Variants in GEMIN7 observed in about 807,000 individuals in gnomAD.
GEMIN7 encodes gem nuclear organelle associated protein 7.
GEMIN7 carries 7 observed loss-of-function variants against 7.8 expected under a neutral mutation model. That is an observed-to-expected ratio of 0.90 (90% CI 0.51 to 1.69). GEMIN7 has a LOEUF of 1.69. GEMIN7 is among the 40% of genes most tolerant of loss of function. GEMIN7 has a pLI of 0.00. For missense variants in GEMIN7, 159 were observed against 176.2 expected, an observed-to-expected ratio of 0.90 and a Z score of 0.55; for synonymous variants, 68 against 72.4, an observed-to-expected ratio of 0.94 and a Z score of 0.31.
intron 2 of GEMIN7, among the ~76,000 whole-genome samples, chr19:45,087,800 C>T (rs945186940): frequency 6.6e-6 from 1 of 151,916 alleles, no homozygotes; most frequent in African/African-American, 2.4e-5. Context: ...AAGGTGGAAG[C>T]CAGGGACCCA....
At chr19:45,085,962 G>C (rs1308940987) in intron 2 of GEMIN7, among the ~76,000 whole-genome samples, 1 of 140,832 alleles carries the variant, frequency 7.1e-6, no homozygotes, top group Non-Finnish European at 1.5e-5. Context: ...CCGCCTCCCG[G>C]GTTCACGCCA....
At position 45,081,584 on chromosome 19, in the gene GEMIN7, C is replaced by T. The variant is rs187540492; in HGVS notation, c.-9+1555C>T. On this transcript the variant is annotated intron_variant, in intron 2 of 2. Transcript: ENST00000270257. Reference sequence around the variant, plus strand: ...GCTCTTTCCCTCAAATTATATATCCCTTATCCTGTCCATCACCGAGGGCTC... The same window carrying T: ...GCTCTTTCCCTCAAATTATATATCCTTTATCCTGTCCATCACCGAGGGCTC... Among the ~76,000 whole-genome samples the T allele has an allele frequency of 3.7e-3, 555 of 148,344 alleles. 6 individuals are homozygous for T. Among genetic ancestry groups the T allele is most frequent in the African/African-American group, 0.013 (511 of 40,668 alleles).
chr19:45,087,782 G>C (rs1309109250), intron 2 of GEMIN7, among the ~76,000 whole-genome samples: 1 of 151,984 alleles, frequency 6.6e-6, no homozygotes, highest in South Asian at 2.1e-4. Flanking sequence ...TGCAGACGGC[G>C]GGGGGTGAAG....
intron 2 of GEMIN7, among the ~76,000 whole-genome samples, chr19:45,080,959 TG>T: frequency 6.6e-6 from 1 of 151,998 alleles, no homozygotes; most frequent in Non-Finnish European, 1.5e-5. Flanking sequence ...GGAAAGACCC[TG>T]GGGGCTGGTG....
In GEMIN7 at chr19:45,090,788, G is replaced by A. The variant is rs1403643520; in HGVS notation, c.*278G>A. Reference sequence around the variant, plus strand: ...CTGCTGCCATTTCCTGAAGACCGGGGCATCGGGGTGGGGTGATAAAGGATA... The same window carrying A: ...CTGCTGCCATTTCCTGAAGACCGGGACATCGGGGTGGGGTGATAAAGGATA... On this transcript the variant is annotated 3_prime_UTR_variant, in exon 3 of 3. Transcript: ENST00000270257. 4.9e-6 allele frequency: 2 copies of A among 410,132 alleles called. No individual in the cohort carries two copies. The highest frequency in any genetic ancestry group is 9.2e-6 in the Non-Finnish European group (2 of 216,356). The allele number at this position is 410,132 out of a possible 1,614,324, so 25.4% of individuals were successfully genotyped here. A position where few individuals can be genotyped will look rare whatever the true frequency, so the allele number is the denominator to read the frequency against.
At chr19:45,076,799 AT>A (rs1967365173), upstream of GEMIN7, 1 of 164,184 alleles carries the variant, frequency 6.1e-6, no homozygotes, top group African/African-American at 2.4e-5. The surrounding 1 kb of genome is among the most constrained non-coding windows in gnomAD (Gnocchi z 4.9). Flanking sequence ...GGGCTATTTC[AT>A]TAAATGCATT....
At chr19:45,075,895 T>G (rs1318836318), upstream of GEMIN7, 4 of 1,588,172 alleles carry the variant, frequency 2.5e-6, no homozygotes, top group African/African-American at 1.4e-5. Context: ...GAGCGTGGGG[T>G]GGGGCCAGGA....
chr19:45,076,471 G>T, upstream of GEMIN7: 1 of 936,358 alleles, frequency 1.1e-6, no homozygotes, highest in Non-Finnish European at 1.4e-6. This position sits in a 1 kb window ranked among gnomAD's most constrained non-coding sequence, Gnocchi z 4.9. Flanking sequence ...GCGCTCAGGT[G>T]AGTGACTGCG....
At chr19:45,080,993 C>G (rs796901849) in intron 2 of GEMIN7, among the ~76,000 whole-genome samples, 11 of 152,028 alleles carry the variant, frequency 7.2e-5, no homozygotes, top group African/African-American at 2.4e-4. Context: ...ATTGGAGTGA[C>G]AGTGGTCAGA....
rs761235819 is a variant in GEMIN7, at chr19:45,090,088, C to G, written c.-8-19C>G. On this transcript the variant is annotated intron_variant, in intron 2 of 2. Transcript: ENST00000270257. Reference sequence around the variant, plus strand: ...GCTTACCATGTAATGACTTCCTGCTCTTTTTCTTCACTCAACAGCCAAGAC... The same window carrying G: ...GCTTACCATGTAATGACTTCCTGCTGTTTTTCTTCACTCAACAGCCAAGAC... The G allele has an allele frequency of 6.3e-7, 1 of 1,588,646 alleles. No homozygotes were observed. Among genetic ancestry groups the G allele is most frequent in the East Asian group, 2.3e-5 (1 of 44,394 alleles).
rs199542404 is a variant in GEMIN7 at position 45,080,758 on chromosome 19, G to GTTTTT, written c.-9+731_-9+735dup. Reference sequence around the variant, plus strand: ...GCATCAATATGACCAAATCTCCCTTGTTTTTTGTTTTTTTTTTTTTTTTTC... The same window carrying GTTTTT: ...GCATCAATATGACCAAATCTCCCTTGTTTTTTTTTTTGTTTTTTTTTTTTTTTTTC... On this transcript the variant is annotated intron_variant, in intron 2 of 2. Coordinates refer to ENST00000270257, the MANE Select transcript of GEMIN7 (RefSeq NM_024707.3). Among the ~76,000 whole-genome samples, 16 of 121,296 alleles carry GTTTTT rather than the reference G, an allele frequency of 1.3e-4. 1 individual carries two copies. Among genetic ancestry groups the GTTTTT allele is most frequent in the African/African-American group, 2.3e-4 (7 of 30,318 alleles). The allele number at this position is 121,296 out of a possible 152,430, so 79.6% of individuals were successfully genotyped here. A position where few individuals can be genotyped will look rare whatever the true frequency, so the allele number is the denominator to read the frequency against.
At chr19:45,087,969 A>G (rs12985045) in intron 2 of GEMIN7, among the ~76,000 whole-genome samples, 76,865 of 137,854 alleles carry the variant, frequency 0.56, 22,502 homozygotes, top group African/African-American at 0.68. Flanking sequence ...TTTTTGAGAC[A>G]GAGTCTTGCT....
chr19:45,081,663 G>A (rs771782157), intron 2 of GEMIN7, among the ~76,000 whole-genome samples: 1 of 151,674 alleles, frequency 6.6e-6, no homozygotes, highest in Non-Finnish European at 1.5e-5. Context: ...GTCTCACTCT[G>A]TCATCCATGC....
chr19:45,090,657 ACCT>A lies in GEMIN7; in HGVS notation c.*151_*153del. 1.5e-6 allele frequency: 1 copy of A among 687,284 alleles called. No homozygotes were observed. Among genetic ancestry groups the A allele is most frequent in the Non-Finnish European group, 2.5e-6 (1 of 401,568 alleles). 42.6% of individuals were successfully genotyped at this position (687,284 alleles called of 1,614,324 possible). On this transcript the variant is annotated 3_prime_UTR_variant, in exon 3 of 3. Coordinates refer to ENST00000270257, the MANE Select transcript of GEMIN7 (RefSeq NM_024707.3). ...CTTTAAGCAAGTCTGGACTCCTGAG[ACCT>A]CCTGGGTCTAGTCAGTAAAATTCTG...
At chr19:45,076,247 G>C, upstream of GEMIN7, 1 of 1,506,092 alleles carries the variant, frequency 6.6e-7, no homozygotes, top group Non-Finnish European at 8.8e-7. This position sits in a 1 kb window ranked among gnomAD's most constrained non-coding sequence, Gnocchi z 4.9. Context: ...GGGGCCTGTT[G>C]GGGCTGCGCG....
intron 2 of GEMIN7, among the ~76,000 whole-genome samples, chr19:45,089,623 A>G (rs1030220721): frequency 3.3e-5 from 5 of 152,238 alleles, no homozygotes; most frequent in Middle Eastern, 3.4e-3. Context: ...TGCAGCCTCC[A>G]TCTCCTGGGC....
chr19:45,087,482 C>T (rs1967734001), intron 2 of GEMIN7, among the ~76,000 whole-genome samples: 2 of 146,372 alleles, frequency 1.4e-5, no homozygotes, highest in East Asian at 3.9e-4. Context: ...CAGGCAGTTT[C>T]TGGGGGCTGG....
chr19:45,078,097 CTTTTTTTT>C (rs57149861), upstream of GEMIN7, among the ~76,000 whole-genome samples: 2 of 96,656 alleles, frequency 2.1e-5, no homozygotes, highest in African/African-American at 4.3e-5. Flanking sequence ...TTATTTTACT[CTTTTTTTT>C]TTTTTTTTTT....
upstream of GEMIN7, chr19:45,075,878 G>T (rs111547453): frequency 6.2e-7 from 1 of 1,613,190 alleles, no homozygotes; most frequent in African/African-American, 1.3e-5. Context: ...GGGAGGAAGC[G>T]GGTGGTGAGC....
Sources: gnomAD v4.1 joint callset for allele counts (sites outside exome capture counted in the v4.1 genomes callset) on GRCh38, gnomAD v4.1.1 for gene constraint, Gnocchi (gnomAD v3.1) non-coding constraint, MANE v1.5 for transcripts, NCBI Gene and HGNC (gene_info 2026-07-23, HGNC 2026-07-21) for gene names.